The following DOCK3 variants were observed in gnomAD, a reference collection of about 807,000 sequenced individuals.
DOCK3 encodes dedicator of cytokinesis protein 3.
DOCK3 carries 60 observed loss-of-function variants against 265.6 expected under a neutral mutation model. The ratio of observed to expected loss-of-function variants is 0.23; its 90% confidence interval spans 0.18 to 0.28. DOCK3 has a LOEUF of 0.28. Ranked by LOEUF, DOCK3 falls within the 10% of genes least tolerant of loss-of-function variation. The pLI, the probability that DOCK3 is intolerant of heterozygous loss-of-function variation, is 1.00. For synonymous variants in DOCK3, 881 were observed against 938.0 expected (o/e 0.94, Z 1.11); for missense variants, 1,981 against 2,594.3 (o/e 0.76, Z 5.14).
chr3:51,137,430 G>A (rs550509909), intron 9 of DOCK3, among the ~76,000 whole-genome samples: 13 of 152,266 alleles, frequency 8.5e-5, no homozygotes, highest in South Asian at 4.2e-4. Context: ...AACTGCTTCC[G>A]TTTCCAAAAC....
At chr3:50,914,273 CTTG>C (rs749340274) in intron 4 of DOCK3, among the ~76,000 whole-genome samples, 16 of 151,598 alleles carry the variant, frequency 1.1e-4, no homozygotes, top group South Asian at 6.3e-4. Context: ...TACATTCATT[CTTG>C]TTGTTCATTT....
intron 4 of DOCK3, among the ~76,000 whole-genome samples, chr3:50,932,411 T>C (rs1025135717): frequency 3.9e-5 from 6 of 152,222 alleles, no homozygotes; most frequent in African/African-American, 1.4e-4. Context: ...AGATGGATGA[T>C]ATTCCCCTTG....
rs1334895065 is a variant in DOCK3, at chr3:50,787,587, C to T, written c.121+8829C>T. ...CTCACAGGTCACACTTAGCTTTCTG[C>T]ACTGGTGCTTCAGGCTCCTTTGTTT... On this transcript the variant is annotated intron_variant, in intron 2 of 52. Transcript: ENST00000266037. The T allele has an allele frequency of 6.7e-6, 7 of 1,039,308 alleles. No homozygotes were observed. In the Admixed American group the frequency reaches 1.2e-4, roughly 18 times the overall value. 64.4% of individuals were successfully genotyped at this position (1,039,308 alleles called of 1,614,324 possible).
At chr3:51,016,950 A>T (rs1244593688) in intron 5 of DOCK3, among the ~76,000 whole-genome samples, 2 of 31,046 alleles carry the variant, frequency 6.4e-5, no homozygotes, top group African/African-American at 3.8e-4. Flanking sequence ...TGTTATATAT[A>T]ATATATATAT....
chr3:51,325,178 G>A (rs1445826347), intron 32 of DOCK3, among the ~76,000 whole-genome samples: 4 of 151,756 alleles, frequency 2.6e-5, no homozygotes, highest in African/African-American at 9.7e-5. Context: ...ATCTGACAAA[G>A]GGCTAACATC....
At chr3:50,985,521 C>T (rs2077866312) in intron 5 of DOCK3, among the ~76,000 whole-genome samples, 1 of 152,140 alleles carries the variant, frequency 6.6e-6, no homozygotes, top group South Asian at 2.1e-4. Context: ...ACACTTTGTT[C>T]TGGTTGCATA....
intron 5 of DOCK3, among the ~76,000 whole-genome samples, chr3:50,961,913 T>G (rs960364929): frequency 3.3e-5 from 5 of 152,206 alleles, no homozygotes; most frequent in African/African-American, 4.8e-5. Flanking sequence ...TGAGCCTTCT[T>G]ATGGGGAAAA....
intron 12 of DOCK3, among the ~76,000 whole-genome samples, chr3:51,163,719 A>G (rs1202240880): frequency 1.3e-5 from 2 of 152,196 alleles, no homozygotes; most frequent in African/African-American, 2.4e-5. Flanking sequence ...ACAATGAAAA[A>G]TGTCCAAATA....
intron 2 of DOCK3, among the ~76,000 whole-genome samples, chr3:50,785,991 G>T (rs1338948250): frequency 1.3e-5 from 2 of 150,922 alleles, no homozygotes; most frequent in Admixed American, 6.6e-5. Flanking sequence ...CTCACTGCTT[G>T]TTATTTGTCT....
intron 1 of DOCK3, among the ~76,000 whole-genome samples, chr3:50,700,849 G>GTA (rs1286790533): frequency 6.6e-6 from 1 of 152,132 alleles, no homozygotes; most frequent in African/African-American, 2.4e-5. Context: ...GTTCTATATA[G>GTA]TATAGTATAG....
In DOCK3 at chr3:51,188,825, CTTT is replaced by C. The variant is rs530063357; in HGVS notation, c.1038-19947_1038-19945del. Reference sequence around the variant, plus strand: ...GGTGTGGGTGTGTGTATCACATTTTCTTTTCTTATCTGTTCATTCATTGAACAC... The same window carrying C: ...GGTGTGGGTGTGTGTATCACATTTTCTCTTATCTGTTCATTCATTGAACAC... On this transcript the variant is annotated intron_variant, in intron 12 of 52. Coordinates refer to ENST00000266037, the MANE Select transcript of DOCK3 (RefSeq NM_004947.5). 0.012 allele frequency among the ~76,000 whole-genome samples: 24 copies of C among 1,948 alleles called. No homozygotes were observed. The East Asian group carries it at 0.25, about 20-fold the overall frequency. The allele number at this position is 1,948 out of a possible 152,430, so 1.3% of individuals were successfully genotyped here.
intron 22 of DOCK3, among the ~76,000 whole-genome samples, chr3:51,252,852 A>G (rs1576549975): frequency 6.6e-6 from 1 of 152,190 alleles, no homozygotes; most frequent in Non-Finnish European, 1.5e-5. Context: ...AATACCCTTT[A>G]TTTCTTTCTC....
intron 1 of DOCK3, among the ~76,000 whole-genome samples, chr3:50,747,976 C>G (rs912615291): frequency 6.6e-6 from 1 of 152,070 alleles, no homozygotes; most frequent in Non-Finnish European, 1.5e-5. Flanking sequence ...CTGCTAAACT[C>G]TCTTATTCTA....
chr3:51,191,421 A>G (rs1223016921), intron 12 of DOCK3, among the ~76,000 whole-genome samples: 1 of 152,076 alleles, frequency 6.6e-6, no homozygotes, highest in Non-Finnish European at 1.5e-5. Flanking sequence ...AAGACTGGGA[A>G]TGCTCACAAG....
chr3:50,732,689 G>T (rs2038301132), intron 1 of DOCK3, among the ~76,000 whole-genome samples: 1 of 152,112 alleles, frequency 6.6e-6, no homozygotes, highest in South Asian at 2.1e-4. Flanking sequence ...GGGATTACAG[G>T]TGTGAACCAC....
chr3:50,986,131 T>G (rs1212619013), intron 5 of DOCK3, among the ~76,000 whole-genome samples: 1 of 152,160 alleles, frequency 6.6e-6, no homozygotes, highest in African/African-American at 2.4e-5. Context: ...TAACATTTAC[T>G]GAGAACCTAC....
At chr3:50,741,826 T>A (rs943806097) in intron 1 of DOCK3, among the ~76,000 whole-genome samples, 23 of 152,196 alleles carry the variant, frequency 1.5e-4, no homozygotes, top group Admixed American at 1.4e-3. Context: ...TATTTCTAGT[T>A]CTAGATTCCT....
At chr3:51,113,283 G>A (rs2083597611) in intron 9 of DOCK3, among the ~76,000 whole-genome samples, 1 of 152,112 alleles carries the variant, frequency 6.6e-6, no homozygotes, top group South Asian at 2.1e-4. Flanking sequence ...GGGCAGTTAG[G>A]CATGACCTCT....
intron 9 of DOCK3, among the ~76,000 whole-genome samples, chr3:51,128,537 G>A (rs2084368679): frequency 6.6e-6 from 1 of 152,214 alleles, no homozygotes; most frequent in Admixed American, 6.5e-5. Flanking sequence ...CATGACGGTG[G>A]ATGAGGCATT....
Sources: gnomAD v4.1 joint callset for allele counts (sites outside exome capture counted in the v4.1 genomes callset) on GRCh38, gnomAD v4.1.1 for gene constraint, MANE v1.5 for transcripts, NCBI Gene and HGNC (gene_info 2026-07-23, HGNC 2026-07-21) for gene names.